The following PLD5 variants were observed in gnomAD, a reference collection of about 807,000 sequenced individuals.
The protein encoded by PLD5 is phospholipase D family member 5, also known as inactive phospholipase D5.
A neutral mutation model predicts 61.1 loss-of-function variants in PLD5; 36 were observed. The observed-to-expected ratio is 0.59, with a 90% CI of 0.45 to 0.78. The LOEUF (loss-of-function observed/expected upper bound fraction) is 0.78. Among genes scored for constraint, PLD5 ranks in the 30% least tolerant of loss-of-function variants. The pLI, the probability that PLD5 is intolerant of heterozygous loss-of-function variation, is 0.00. For missense variants in PLD5, 515 were observed against 644.4 expected (o/e 0.80, Z 2.17); for synonymous variants, 243 against 242.8 (o/e 1.00, Z -0.01).
In PLD5 at chr1:242,086,770, A is replaced by G. The variant is rs1270591010; in HGVS notation, c.*3084T>C. 1 of 152,212 alleles carries G rather than the reference A, an allele frequency of 6.6e-6. No homozygotes were observed. The highest frequency in any genetic ancestry group is 1.9e-4 in the East Asian group (1 of 5,200). 9.4% of individuals were successfully genotyped at this position (152,212 alleles called of 1,614,324 possible). On this transcript the variant is annotated 3_prime_UTR_variant, in exon 10 of 10. Coordinates refer to ENST00000536534, the MANE Select transcript of PLD5 (RefSeq NM_001372062.1). ...AACACTTGAGGATACATAAGGCACT[A>G]AGTTAGTGTTAGTGGTACTGAAATC... is the stretch of plus-strand genomic sequence containing the variant.
At chr1:242,467,959 C>T (rs1558588176) in intron 1 of PLD5, among the ~76,000 whole-genome samples, 1 of 152,064 alleles carries the variant, frequency 6.6e-6, no homozygotes, top group Non-Finnish European at 1.5e-5. Context: ...CAGAGCCCTA[C>T]AATCTCTTGG....
chr1:242,381,248 G>A (rs369452692), intron 1 of PLD5, among the ~76,000 whole-genome samples: 1 of 152,140 alleles, frequency 6.6e-6, no homozygotes, highest in African/African-American at 2.4e-5. Flanking sequence ...GTCCTTTGGA[G>A]GGATATGAAT....
chr1:242,196,343 G>T (rs1322722022), intron 5 of PLD5, among the ~76,000 whole-genome samples: 2 of 152,150 alleles, frequency 1.3e-5, no homozygotes, highest in African/African-American at 4.8e-5. Flanking sequence ...CTGTGGGGAA[G>T]GTGGAATCAT....
chr1:242,440,486 G>A (rs183075934), intron 1 of PLD5, among the ~76,000 whole-genome samples: 6 of 152,348 alleles, frequency 3.9e-5, no homozygotes, highest in Admixed American at 2.0e-4. Context: ...ATTCACATGA[G>A]TCTGACTGTA....
intron 2 of PLD5, among the ~76,000 whole-genome samples, chr1:242,324,563 C>T (rs1658631170): frequency 6.6e-6 from 1 of 152,082 alleles, no homozygotes; most frequent in African/African-American, 2.4e-5. Flanking sequence ...TTGAAGTAAA[C>T]ATGATAATAG....
At chr1:242,307,026 T>C (rs1243128231) in intron 2 of PLD5, among the ~76,000 whole-genome samples, 2 of 152,276 alleles carry the variant, frequency 1.3e-5, no homozygotes, top group African/African-American at 4.8e-5. Context: ...GCAAAGTTTT[T>C]TTCAATGGTC....
intron 1 of PLD5, among the ~76,000 whole-genome samples, chr1:242,522,629 A>G (rs982397906): frequency 1.3e-5 from 2 of 152,246 alleles, no homozygotes; most frequent in Non-Finnish European, 2.9e-5. Context: ...CCCTGATACT[A>G]AAATCAGCCA....
intron 7 of PLD5, among the ~76,000 whole-genome samples, chr1:242,109,053 G>A (rs1661281018): frequency 6.6e-6 from 1 of 152,194 alleles, no homozygotes; most frequent in Admixed American, 6.5e-5. Context: ...TTATACCCAT[G>A]AAGCTGAGGA....
chr1:242,421,726 A>T (rs1665156430), intron 1 of PLD5, among the ~76,000 whole-genome samples: 1 of 152,194 alleles, frequency 6.6e-6, no homozygotes. Flanking sequence ...CTACAAATTT[A>T]GTGTTACACA....
intron 2 of PLD5, among the ~76,000 whole-genome samples, chr1:242,309,052 C>G (rs1474864664): frequency 6.6e-6 from 1 of 151,962 alleles, no homozygotes; most frequent in Non-Finnish European, 1.5e-5. Flanking sequence ...TATGAGAAAT[C>G]AAGGAAACAG....
At chr1:242,250,351 G>A (rs74150898) in intron 4 of PLD5, among the ~76,000 whole-genome samples, 1,995 of 152,170 alleles carry the variant, frequency 0.013, 44 homozygotes, top group African/African-American at 0.046. Flanking sequence ...GTAGAAACAC[G>A]CATTACAGTG....
At position 242,162,335 on chromosome 1, in the gene PLD5, T is replaced by C. The variant is rs954042739; in HGVS notation, c.736-37670A>G. 2.0e-5 allele frequency among the ~76,000 whole-genome samples: 3 copies of C among 152,206 alleles called. No homozygotes were observed. The East Asian group carries it at 5.8e-4, about 29-fold the overall frequency. ...TCACTGCTAAAGTGCTTTTTCATTG[T>C]TACACTCCATCAGTCGTTTCTCCTT... is the stretch of plus-strand genomic sequence containing the variant. On this transcript the variant is annotated intron_variant, in intron 5 of 9. Coordinates refer to ENST00000536534, the MANE Select transcript of PLD5 (RefSeq NM_001372062.1).
At chr1:242,358,202 A>G (rs1447666327) in intron 1 of PLD5, among the ~76,000 whole-genome samples, 1 of 152,154 alleles carries the variant, frequency 6.6e-6, no homozygotes, top group Non-Finnish European at 1.5e-5. Flanking sequence ...CTTTGTTAAG[A>G]GGATTATTCT....
chr1:242,510,982 G>T (rs1221644972), intron 1 of PLD5, among the ~76,000 whole-genome samples: 2 of 152,174 alleles, frequency 1.3e-5, no homozygotes, highest in Non-Finnish European at 2.9e-5. Flanking sequence ...GGCTGAAAAT[G>T]TAATATCATT....
intron 1 of PLD5, among the ~76,000 whole-genome samples, chr1:242,373,327 C>A (rs551094440): frequency 6.6e-6 from 1 of 152,110 alleles, no homozygotes; most frequent in African/African-American, 2.4e-5. Context: ...TGTGGAGAAA[C>A]AGGAACACTT....
In PLD5 at chr1:242,251,493, C is replaced by A. The variant is rs188231474; in HGVS notation, c.607+13844G>T. 6.6e-5 allele frequency among the ~76,000 whole-genome samples: 10 copies of A among 152,272 alleles called. No homozygotes were observed. The South Asian group carries it at 1.9e-3, about 28-fold the overall frequency. On this transcript the variant is annotated intron_variant, in intron 4 of 9. Coordinates refer to ENST00000536534, the MANE Select transcript of PLD5 (RefSeq NM_001372062.1). ...GATACAAGGTCTAAGATATTCCCAC[C>A]GAGTTCCATACCTGGAAGTCCTCCG...
chr1:242,099,014 A>G (rs1026215050), intron 9 of PLD5, among the ~76,000 whole-genome samples: 3 of 152,208 alleles, frequency 2.0e-5, no homozygotes, highest in Non-Finnish European at 4.4e-5. Flanking sequence ...TCAGGGACCC[A>G]CTTGAGGAGG....
chr1:242,210,260 C>A (rs1326994594), intron 5 of PLD5: 1 of 152,222 alleles, frequency 6.6e-6, no homozygotes, highest in Non-Finnish European at 1.5e-5. Context: ...GTTAAGAAAG[C>A]AAAACAGCCT....
chr1:242,116,723 A>G (rs1661973652), intron 6 of PLD5, among the ~76,000 whole-genome samples: 1 of 152,100 alleles, frequency 6.6e-6, no homozygotes, highest in African/African-American at 2.4e-5. Context: ...CTGCACCCAC[A>G]TTGCTGCAAA....
Sources: gnomAD v4.1 joint callset for allele counts (sites outside exome capture counted in the v4.1 genomes callset) on GRCh38, gnomAD v4.1.1 for gene constraint, MANE v1.5 for transcripts, NCBI Gene and HGNC (gene_info 2026-07-23, HGNC 2026-07-21) for gene names.